ENOX2: variants seen among roughly 807,000 people sequenced by gnomAD.
The protein encoded by ENOX2 is ecto-NOX disulfide-thiol exchanger 2.
In ENOX2, 36 loss-of-function variants were observed where a neutral mutation model predicts 45.0. The observed-to-expected ratio is 0.80, with a 90% CI of 0.61 to 1.06. The LOEUF (loss-of-function observed/expected upper bound fraction) is 1.06, where lower values mean the gene tolerates loss of function less well. Ranked by LOEUF, ENOX2 falls within the 50% of genes least tolerant of loss-of-function variation. ENOX2 has a pLI of 0.00. For missense variants in ENOX2, 423 were observed against 462.5 expected (o/e 0.91, Z 0.78); for synonymous variants, 174 against 152.3 (o/e 1.14, Z -1.05).
At chrX:130,693,192 A>G (rs898496894) in intron 4 of ENOX2, among the ~76,000 whole-genome samples, 6 of 112,046 alleles carry the variant, frequency 5.4e-5, no homozygotes, top group African/African-American at 1.6e-4. Context: ...CAATATTTTG[A>G]TGACAGGTCC....
intron 2 of ENOX2, among the ~76,000 whole-genome samples, chrX:130,849,242 C>T (rs2078165084): frequency 8.9e-6 from 1 of 112,431 alleles, no homozygotes; most frequent in Non-Finnish European, 1.9e-5. Context: ...ATTTAAGTGG[C>T]AGCTTAAGCT....
chrX:130,672,895 T>C (rs766699248), intron 6 of ENOX2, among the ~76,000 whole-genome samples: 1 of 111,849 alleles, frequency 8.9e-6, no homozygotes, highest in Non-Finnish European at 1.9e-5. Context: ...GTGGGTGAGC[T>C]TGTTTGTCCA....
rs1357794046 is a variant in ENOX2 at position 130,813,201 on chromosome X, A to G, written c.-182-29511T>C. Among the ~76,000 whole-genome samples, 33 of 112,336 alleles carry G rather than the reference A, an allele frequency of 2.9e-4. No homozygotes were observed. In the Admixed American group the frequency reaches 3.1e-3, roughly 11 times the overall value. On this transcript the variant is annotated intron_variant, in intron 2 of 14. Transcript: ENST00000394363. The stretch of plus-strand genomic sequence containing the variant: ...AACAACAGATACATATACCAATGGA[A>G]CAAAATAGAGAGCTTAGAAATAAAT...
intron 4 of ENOX2, among the ~76,000 whole-genome samples, chrX:130,702,593 G>T (rs780569890): frequency 5.4e-5 from 6 of 111,681 alleles, no homozygotes; most frequent in African/African-American, 1.9e-4. Context: ...TTTATCTTCA[G>T]CGGAGATGGA....
At chrX:130,876,878 CA>C (rs2078713967) in intron 2 of ENOX2, among the ~76,000 whole-genome samples, 1 of 111,697 alleles carries the variant, frequency 9.0e-6, no homozygotes, top group African/African-American at 3.2e-5. Flanking sequence ...ATTCAAAAAT[CA>C]GATTTCCTAC....
intron 3 of ENOX2, among the ~76,000 whole-genome samples, chrX:130,762,458 C>T (rs1228634621): frequency 9.0e-6 from 1 of 111,407 alleles, no homozygotes; most frequent in Non-Finnish European, 1.9e-5. Flanking sequence ...GGTGCATGCC[C>T]ATAGTCCCAG....
intron 2 of ENOX2, among the ~76,000 whole-genome samples, chrX:130,877,935 T>C (rs1464222496): frequency 8.9e-6 from 1 of 112,001 alleles, no homozygotes; most frequent in Non-Finnish European, 1.9e-5. Context: ...GGCTGACTTA[T>C]CCTGGCTCAC....
At chrX:130,883,918 T>A (rs891508365) in intron 2 of ENOX2, among the ~76,000 whole-genome samples, 1 of 112,597 alleles carries the variant, frequency 8.9e-6, no homozygotes, top group Non-Finnish European at 1.9e-5. Flanking sequence ...TAAGAAAATG[T>A]CAATTTCTTT....
intron 2 of ENOX2, among the ~76,000 whole-genome samples, chrX:130,887,670 G>A (rs1332509902): frequency 1.8e-5 from 2 of 111,754 alleles, no homozygotes; most frequent in African/African-American, 6.5e-5. Context: ...GGAGGAGGTT[G>A]GAGAGCAGGT....
chrX:130,656,485 A>AATC, intron 10 of ENOX2, 96 bp downstream of exon 10: 2 of 523,875 alleles, frequency 3.8e-6, no homozygotes, highest in Non-Finnish European at 6.5e-6. Flanking sequence ...CCAGGCTGAT[A>AATC]GGTTGATGGC....
chrX:130,642,874 T>C (rs183014261), intron 10 of ENOX2, among the ~76,000 whole-genome samples: 1 of 112,751 alleles, frequency 8.9e-6, no homozygotes, highest in East Asian at 2.8e-4. Context: ...TTAACTTTTA[T>C]ATGAACTGGG....
At chrX:130,674,619 T>A (rs1406770044) in intron 6 of ENOX2, among the ~76,000 whole-genome samples, 2 of 111,817 alleles carry the variant, frequency 1.8e-5, no homozygotes, top group Non-Finnish European at 3.8e-5. Context: ...AATATCTTTT[T>A]TTATTATTAT....
chrX:130,838,413 A>G (rs1467337915), intron 2 of ENOX2, among the ~76,000 whole-genome samples: 1 of 111,623 alleles, frequency 9.0e-6, no homozygotes, highest in African/African-American at 3.3e-5. Context: ...ACCAACAACA[A>G]CAAAAAAGAA....
rs759196153 is a variant in ENOX2, at chrX:130,707,255, A to G, written c.-38-4001T>C. On this transcript the variant is annotated intron_variant, in intron 3 of 14. Transcript: ENST00000394363. The stretch of plus-strand genomic sequence containing the variant: ...GCTGGTTCTCCTATTCTGCTGTGTG[A>G]CAAGTTCTCAAGAGGTCAGAGATTG... 2.4e-3 allele frequency among the ~76,000 whole-genome samples: 267 copies of G among 111,749 alleles called. 4 individuals are homozygous for G. Among genetic ancestry groups the G allele is most frequent in the African/African-American group, 8.3e-3 (254 of 30,715 alleles).
At chrX:130,815,972 C>G (rs765956544) in intron 2 of ENOX2, among the ~76,000 whole-genome samples, 2 of 111,269 alleles carry the variant, frequency 1.8e-5, no homozygotes, top group African/African-American at 6.5e-5. Context: ...AGAGTCAAGA[C>G]CCATCGGTGT....
At chrX:130,727,027 G>A (rs2038622963) in intron 3 of ENOX2, among the ~76,000 whole-genome samples, 1 of 112,153 alleles carries the variant, frequency 8.9e-6, no homozygotes, top group Non-Finnish European at 1.9e-5. Flanking sequence ...CTGGAGTAGG[G>A]AGGTGAGGCT....
At chrX:130,688,737 C>T in intron 5 of ENOX2, 126 bp downstream of exon 5, 1 of 558,134 alleles carries the variant, frequency 1.8e-6, no homozygotes, top group Non-Finnish European at 2.8e-6. Flanking sequence ...TTCCTGTCTT[C>T]TGTTCTCTAG....
intron 2 of ENOX2, among the ~76,000 whole-genome samples, chrX:130,900,300 A>T (rs964212284): frequency 8.9e-6 from 1 of 112,863 alleles, no homozygotes; most frequent in Non-Finnish European, 1.9e-5. Context: ...AATCCAAAGT[A>T]ATCTTAGATG....
chrX:130,865,818 C>G (rs1461729159), intron 2 of ENOX2, among the ~76,000 whole-genome samples: 1 of 111,065 alleles, frequency 9.0e-6, no homozygotes, highest in Non-Finnish European at 1.9e-5. Flanking sequence ...ATTGTTTTTT[C>G]AGCCTTCTTC....
Sources: gnomAD v4.1 joint callset for allele counts (sites outside exome capture counted in the v4.1 genomes callset) on GRCh38, gnomAD v4.1.1 for gene constraint, MANE v1.5 for transcripts, NCBI Gene and HGNC (gene_info 2026-07-23, HGNC 2026-07-21) for gene names.